Variants in CRPPA observed in about 807,000 individuals in gnomAD.
The protein encoded by CRPPA is D-ribitol-5-phosphate cytidylyltransferase.
Under a neutral mutation model 52.0 loss-of-function variants are expected in CRPPA, and 43 were observed. The observed-to-expected ratio is 0.83, with a 90% confidence interval of 0.65 to 1.07. The LOEUF (loss-of-function observed/expected upper bound fraction) is 1.07, where lower values mean the gene tolerates loss of function less well. Among genes scored for constraint, CRPPA ranks in the 50% least tolerant of loss-of-function variants. The pLI is 0.00. For synonymous variants in CRPPA, 250 were observed against 203.5 expected, an observed-to-expected ratio of 1.23 and a Z score of -1.94; for missense variants, 629 against 551.7, an observed-to-expected ratio of 1.14 and a Z score of -1.40.
intron 8 of CRPPA, among the ~76,000 whole-genome samples, chr7:16,233,202 T>C (rs906304813): frequency 2.6e-5 from 4 of 152,148 alleles, no homozygotes; most frequent in Admixed American, 2.6e-4. Flanking sequence ...ATATGGATCA[T>C]ATTTAGTCAG....
intron 8 of CRPPA, among the ~76,000 whole-genome samples, chr7:16,251,526 T>C (rs553208133): frequency 1.3e-5 from 2 of 152,196 alleles, no homozygotes; most frequent in East Asian, 3.9e-4. Flanking sequence ...TAACAAACCA[T>C]CTCTCAGACC....
chr7:16,232,023 A>G (rs1198360072), intron 8 of CRPPA, among the ~76,000 whole-genome samples: 3 of 152,296 alleles, frequency 2.0e-5, no homozygotes, highest in East Asian at 3.9e-4. Context: ...AGTCACAGGT[A>G]GAGTACCAGA....
At chr7:16,293,881 G>A (rs1390919137) in intron 5 of CRPPA, among the ~76,000 whole-genome samples, 3 of 151,882 alleles carry the variant, frequency 2.0e-5, no homozygotes, top group South Asian at 4.1e-4. Flanking sequence ...TCTTGTCTCC[G>A]GCACATGTTT....
chr7:16,286,097 A>AAAAAATAT lies in CRPPA; in HGVS notation c.836-7872_836-7871insATATTTTT. On this transcript the variant is annotated intron_variant, in intron 5 of 9. Coordinates refer to ENST00000407010, the MANE Select transcript of CRPPA (RefSeq NM_001101426.4). The stretch of plus-strand genomic sequence containing the variant: ...TATATATATAATATTTAAAAAAAAA[A>AAAAAATAT]ATATATATATATATATATATGCCAA... Among the ~76,000 whole-genome samples the AAAAAATAT allele has an allele frequency of 6.6e-4, 26 of 39,118 alleles. 2 individuals carry two copies. The highest frequency in any genetic ancestry group is 6.2e-3 in the East Asian group (10 of 1,624). 25.7% of individuals were successfully genotyped at this position (39,118 alleles called of 152,430 possible).
intron 8 of CRPPA, chr7:16,216,415 A>T: frequency 2.8e-6 from 1 of 351,460 alleles, no homozygotes; most frequent in East Asian, 5.5e-5. Context: ...AACGAGGTTG[A>T]AAAACCAAAT....
At chr7:16,197,323 A>G (rs926978153) in intron 9 of CRPPA, among the ~76,000 whole-genome samples, 5 of 152,184 alleles carry the variant, frequency 3.3e-5, no homozygotes, top group Admixed American at 6.5e-5. Context: ...TGAAACCCTG[A>G]AAAGAATCAG....
At chr7:16,405,080 C>T (rs1188109138) in intron 2 of CRPPA, among the ~76,000 whole-genome samples, 1 of 151,406 alleles carries the variant, frequency 6.6e-6, no homozygotes. Flanking sequence ...TATAGACTGT[C>T]TTTCCTAAAT....
At position 16,342,788 on chromosome 7, in the gene CRPPA, T is replaced by TAGATAG. The variant is rs1562643197; in HGVS notation, c.684+33303_684+33304insCTATCT. On this transcript the variant is annotated intron_variant, in intron 3 of 9. Coordinates refer to ENST00000407010, the MANE Select transcript of CRPPA (RefSeq NM_001101426.4). ...CAAAAAAAAAAAAAAAAAAAATATATATATATATATCTATATAGATATATA... is the reference window on the plus strand; with the variant it reads ...CAAAAAAAAAAAAAAAAAAAATATATAGATAGATATATATATCTATATAGATATATA... Among the ~76,000 whole-genome samples the TAGATAG allele has an allele frequency of 2.1e-4, 13 of 61,188 alleles. 2 individuals carry two copies. Among genetic ancestry groups the TAGATAG allele is most frequent in the East Asian group, 6.8e-4 (2 of 2,948 alleles). 40.1% of individuals were successfully genotyped at this position (61,188 alleles called of 152,430 possible).
At chr7:16,295,780 G>A (rs1784659339) in intron 5 of CRPPA, among the ~76,000 whole-genome samples, 1 of 152,032 alleles carries the variant, frequency 6.6e-6, no homozygotes, top group Non-Finnish European at 1.5e-5. Context: ...AATCATTTGG[G>A]TTCATCTGAG....
intron 3 of CRPPA, among the ~76,000 whole-genome samples, chr7:16,360,054 T>C (rs10950615): frequency 0.4 from 60,586 of 152,090 alleles, 12,285 homozygotes; most frequent in East Asian, 0.47. Context: ...CTGGACTTCA[T>C]CCACACTGCA....
Position 16,109,277 on chromosome 7 carries a change from A to T in CRPPA, c.1252-17478T>A, listed in dbSNP as rs1039358507. ...TACAAAGGGTAAGAGACTACCTCAA[A>T]CAATTATAAGTCAATGAATTGAGTA... On this transcript the variant is annotated intron_variant, in intron 9 of 9. Coordinates refer to ENST00000407010, the MANE Select transcript of CRPPA (RefSeq NM_001101426.4). Among the ~76,000 whole-genome samples, 5 of 151,958 alleles carry T rather than the reference A, an allele frequency of 3.3e-5. No homozygotes were observed. In the East Asian group the frequency reaches 7.7e-4, roughly 23 times the overall value.
At chr7:16,341,359 G>A (rs1330413308) in intron 3 of CRPPA, among the ~76,000 whole-genome samples, 1 of 151,904 alleles carries the variant, frequency 6.6e-6, no homozygotes, top group Non-Finnish European at 1.5e-5. Context: ...TAGAGGGAAA[G>A]GGGCTATAAA....
intron 5 of CRPPA, among the ~76,000 whole-genome samples, chr7:16,299,871 G>C (rs1447116836): frequency 6.6e-6 from 1 of 152,036 alleles, no homozygotes; most frequent in Non-Finnish European, 1.5e-5. Context: ...ATAATATATA[G>C]GCCAAGTATT....
At chr7:16,230,346 A>T (rs114172729) in intron 8 of CRPPA, among the ~76,000 whole-genome samples, 1,773 of 152,122 alleles carry the variant, frequency 0.012, 31 homozygotes, top group African/African-American at 0.041. Context: ...TTTCAAAATA[A>T]CCTGTCTTCA....
intron 9 of CRPPA, among the ~76,000 whole-genome samples, chr7:16,182,641 G>A (rs1008297039): frequency 1.4e-4 from 22 of 152,080 alleles, no homozygotes; most frequent in African/African-American, 5.3e-4. Flanking sequence ...AGAGAAACTG[G>A]AGCCCAAATA....
intron 8 of CRPPA, chr7:16,248,189 A>T (rs1410931304): frequency 6.6e-6 from 1 of 152,092 alleles, no homozygotes; most frequent in Non-Finnish European, 1.5e-5. Context: ...AGAAAAAAAA[A>T]TTAGCCAAAT....
chr7:16,361,875 G>C (rs996218793), intron 3 of CRPPA, among the ~76,000 whole-genome samples: 4 of 151,350 alleles, frequency 2.6e-5, no homozygotes, highest in African/African-American at 7.3e-5. Context: ...TTTTTCTTTA[G>C]ACAGAGTCTC....
intron 9 of CRPPA, among the ~76,000 whole-genome samples, chr7:16,186,419 G>A (rs1276113251): frequency 6.6e-6 from 1 of 152,090 alleles, no homozygotes; most frequent in Non-Finnish European, 1.5e-5. Context: ...CTGCAAGAAG[G>A]CCCTCACCAG....
At chr7:16,350,503 C>T (rs1163566822) in intron 3 of CRPPA, among the ~76,000 whole-genome samples, 6 of 151,942 alleles carry the variant, frequency 3.9e-5, no homozygotes, top group African/African-American at 7.3e-5. Flanking sequence ...TAAAAGGGAA[C>T]TAAAAGTGTA....
Sources: gnomAD v4.1 joint callset for allele counts (sites outside exome capture counted in the v4.1 genomes callset) on GRCh38, gnomAD v4.1.1 for gene constraint, MANE v1.5 for transcripts, NCBI Gene and HGNC (gene_info 2026-07-23, HGNC 2026-07-21) for gene names.